ELOVL6: variants seen among roughly 807,000 people sequenced by gnomAD.
ELOVL6 encodes the protein ELOVL fatty acid elongase 6, also known as very long chain fatty acid elongase 6.
A neutral mutation model predicts 31.7 loss-of-function variants in ELOVL6; 8 were observed. The observed-to-expected ratio is 0.25, with a 90% CI of 0.15 to 0.45. The LOEUF (loss-of-function observed/expected upper bound fraction) is 0.45, where lower values mean the gene tolerates loss of function less well. ELOVL6 is among the 20% of genes least tolerant of loss of function. ELOVL6 has a pLI of 1.00. For synonymous variants in ELOVL6, 101 were observed against 117.7 expected (o/e 0.86, Z 0.92); for missense variants, 126 against 326.4 (o/e 0.39, Z 4.73).
At chr4:110,115,683 T>TA (rs566079940) in intron 1 of ELOVL6, among the ~76,000 whole-genome samples, 70 of 152,332 alleles carry the variant, frequency 4.6e-4, no homozygotes, top group Admixed American at 1.2e-3. Flanking sequence ...CATAAGAGGA[T>TA]AAAGTTTGCA....
At chr4:110,187,315 A>AT (rs1456567388) in intron 1 of ELOVL6, among the ~76,000 whole-genome samples, 1 of 151,908 alleles carries the variant, frequency 6.6e-6, no homozygotes, top group Non-Finnish European at 1.5e-5. Flanking sequence ...TTCTGGAGCC[A>AT]TTTTTGACTG....
intron 2 of ELOVL6, among the ~76,000 whole-genome samples, chr4:110,076,026 T>C (rs1291436634): frequency 1.3e-5 from 2 of 152,164 alleles, no homozygotes; most frequent in African/African-American, 4.8e-5. Flanking sequence ...TGACCAAAAC[T>C]TGAATAGGCA....
At chr4:110,091,006 A>G (rs1403317970) in intron 2 of ELOVL6, among the ~76,000 whole-genome samples, 1 of 152,240 alleles carries the variant, frequency 6.6e-6, no homozygotes, top group Non-Finnish European at 1.5e-5. Context: ...TTATAAAGGT[A>G]TGGCAGAAAG....
chr4:110,182,519 C>T (rs554677205), intron 1 of ELOVL6, among the ~76,000 whole-genome samples: 9 of 152,086 alleles, frequency 5.9e-5, no homozygotes, highest in Non-Finnish European at 8.8e-5. Flanking sequence ...ACATTAAGTA[C>T]ATTATAGTTA....
intron 2 of ELOVL6, among the ~76,000 whole-genome samples, chr4:110,064,783 T>C (rs1755250422): frequency 6.6e-6 from 1 of 152,186 alleles, no homozygotes; most frequent in Non-Finnish European, 1.5e-5. Flanking sequence ...CTACTGCACC[T>C]GGCCTCGATT....
chr4:110,141,154 C>T (rs1757942588), intron 1 of ELOVL6, among the ~76,000 whole-genome samples: 1 of 152,110 alleles, frequency 6.6e-6, no homozygotes, highest in Middle Eastern at 3.2e-3. Flanking sequence ...ACCTCTGCCT[C>T]CCGGGTTCAA....
chr4:110,098,392 C>A (rs1756651179), intron 2 of ELOVL6, among the ~76,000 whole-genome samples: 1 of 152,106 alleles, frequency 6.6e-6, no homozygotes, highest in Non-Finnish European at 1.5e-5. Flanking sequence ...TTTAACAAAC[C>A]AAATGTCATT....
chr4:110,085,220 C>T (rs1179691669), intron 2 of ELOVL6, among the ~76,000 whole-genome samples: 1 of 152,132 alleles, frequency 6.6e-6, no homozygotes, highest in Non-Finnish European at 1.5e-5. Context: ...ATATTCTTCT[C>T]CTAGGAAGTC....
At chr4:110,158,070 T>C (rs1305112852) in intron 1 of ELOVL6, among the ~76,000 whole-genome samples, 1 of 152,236 alleles carries the variant, frequency 6.6e-6, no homozygotes, top group Non-Finnish European at 1.5e-5. Context: ...TCAAGTTAGT[T>C]AATTATGCTT....
chr4:110,162,875 A>G (rs552546183), intron 1 of ELOVL6, among the ~76,000 whole-genome samples: 1 of 152,300 alleles, frequency 6.6e-6, no homozygotes, highest in East Asian at 1.9e-4. Flanking sequence ...AGTTATTGGG[A>G]CACTCATTGA....
At position 110,048,049 on chromosome 4, in the gene ELOVL6, A is replaced by G. The variant is rs1414079147; in HGVS notation, c.*3289T>C. 1 of 152,100 alleles carries G rather than the reference A, an allele frequency of 6.6e-6. No individual in the cohort carries two copies. Among genetic ancestry groups the G allele is most frequent in the Non-Finnish European group, 1.5e-5 (1 of 68,008 alleles). The allele number at this position is 152,100 out of a possible 1,614,324, so 9.4% of individuals were successfully genotyped here. A position where few individuals can be genotyped will look rare whatever the true frequency, so the allele number is the denominator to read the frequency against. On this transcript the variant is annotated 3_prime_UTR_variant, in exon 4 of 4. Transcript: ENST00000302274. ...TCTCTTTTCTCATCAGTTTCTTTACATGAGCAGAGAGGTGGAGAAGCGAGG... is the reference window on the plus strand; with the variant it reads ...TCTCTTTTCTCATCAGTTTCTTTACGTGAGCAGAGAGGTGGAGAAGCGAGG...
At chr4:110,052,309 C>A (rs1021464864) in intron 3 of ELOVL6, among the ~76,000 whole-genome samples, 3 of 152,168 alleles carry the variant, frequency 2.0e-5, no homozygotes, top group Non-Finnish European at 2.9e-5. Context: ...ATAAAAGGTA[C>A]CCCTCAAACA....
At chr4:110,148,534 T>TA (rs367932657) in intron 1 of ELOVL6, among the ~76,000 whole-genome samples, 5 of 151,914 alleles carry the variant, frequency 3.3e-5, no homozygotes, top group African/African-American at 1.2e-4. Flanking sequence ...GGCACATACG[T>TA]AAAAAAATAG....
rs1470746161 is a variant in ELOVL6 at position 110,067,534 on chromosome 4, A to G, written c.222-7780T>C. On this transcript the variant is annotated intron_variant, in intron 2 of 3. Coordinates refer to ENST00000302274, the MANE Select transcript of ELOVL6 (RefSeq NM_024090.3). Reference sequence around the variant, plus strand: ...GACTTACAATCACGGTGGAAGAAGAAGCAAACATGTCCTTCTTCACACGGT... The same window carrying G: ...GACTTACAATCACGGTGGAAGAAGAGGCAAACATGTCCTTCTTCACACGGT... Among the ~76,000 whole-genome samples the G allele has an allele frequency of 2.6e-5, 4 of 152,224 alleles. No homozygotes were observed. The East Asian group carries it at 7.7e-4, about 29-fold the overall frequency.
chr4:110,070,610 T>A (rs1755443479), intron 2 of ELOVL6, among the ~76,000 whole-genome samples: 1 of 152,186 alleles, frequency 6.6e-6, no homozygotes, highest in Non-Finnish European at 1.5e-5. Flanking sequence ...CACGTTGAAC[T>A]GTAATCCCCA....
intron 1 of ELOVL6, among the ~76,000 whole-genome samples, chr4:110,153,744 T>C (rs900328): frequency 0.45 from 69,067 of 151,970 alleles, 16,919 homozygotes; most frequent in East Asian, 0.65. Flanking sequence ...ATTTTAAGAG[T>C]GGTTTTGCAG....
chr4:110,174,194 T>TA (rs1392697495), intron 1 of ELOVL6, among the ~76,000 whole-genome samples: 3 of 151,070 alleles, frequency 2.0e-5, no homozygotes, highest in Non-Finnish European at 4.4e-5. Context: ...GACAGAGTCT[T>TA]ACTCTGTTGT....
intron 1 of ELOVL6, among the ~76,000 whole-genome samples, chr4:110,129,793 T>C (rs979083364): frequency 3.1e-4 from 47 of 152,194 alleles, no homozygotes; most frequent in African/African-American, 8.0e-4. Context: ...CAGCTCTAGA[T>C]TGTGTGCTCT....
chr4:110,077,313 G>A (rs1359935935), intron 2 of ELOVL6, among the ~76,000 whole-genome samples: 1 of 152,186 alleles, frequency 6.6e-6, no homozygotes, highest in Non-Finnish European at 1.5e-5. Flanking sequence ...CCTGACCCCC[G>A]AGTAGCCTAA....
Sources: allele counts gnomAD v4.1 joint callset (sites outside exome capture counted in the v4.1 genomes callset), GRCh38; gene constraint gnomAD v4.1.1; transcripts MANE v1.5; gene names NCBI Gene and HGNC (gene_info 2026-07-23, HGNC 2026-07-21).